The following BBS4 variants were observed in gnomAD, a reference collection of about 807,000 sequenced individuals.
The protein encoded by BBS4 is Bardet-Biedl syndrome 4.
BBS4 carries 58 observed loss-of-function variants against 71.4 expected under a neutral mutation model. The observed-to-expected ratio is 0.81, with a 90% CI of 0.66 to 1.01. The LOEUF (loss-of-function observed/expected upper bound fraction) is 1.01, where lower values mean the gene tolerates loss of function less well. Among genes scored for constraint, BBS4 ranks in the 50% least tolerant of loss-of-function variants. The pLI is 0.00. For synonymous variants in BBS4, 228 were observed against 216.8 expected (o/e 1.05, Z -0.46); for missense variants, 660 against 607.9 (o/e 1.09, Z -0.90).
chr15:72,724,376 G>A (rs1431523872), intron 7 of BBS4, 152 bp from the exon 8 acceptor site: 1 of 1,070,754 alleles, frequency 9.3e-7, no homozygotes, highest in Non-Finnish European at 1.4e-6. Flanking sequence ...GACAGTTTTG[G>A]TATGTTTTGG....
rs2151034397 is a variant in BBS4 at position 72,724,623 on chromosome 15, C to T, written c.555C>T (p.Asp185=). ...TCCACTTGCTGGAGGGAGACTTGGACAAGGCCATTGAAGTCTACAAGAAAG... is the reference window on the plus strand; with the variant it reads ...TCCACTTGCTGGAGGGAGACTTGGATAAGGCCATTGAAGTCTACAAGAAAG... ...GKIHLLEGDL[D]KAIEVYKKAV... Residue 185 remains aspartate (D), a synonymous_variant, in exon 8 of 16, where the codon GAC becomes GAT. Coordinates refer to ENST00000268057, the MANE Select transcript of BBS4 (RefSeq NM_033028.5). 1 of 1,614,072 alleles carries T rather than the reference C, an allele frequency of 6.2e-7. No individual in the cohort carries two copies. Among genetic ancestry groups the T allele is most frequent in the Non-Finnish European group, 8.5e-7 (1 of 1,179,992 alleles).
Position 72,716,769 on chromosome 15 carries a change from C to G in BBS4, c.333-9C>G, listed in dbSNP as rs1198566853. The G allele has an allele frequency of 6.3e-7, 1 of 1,591,542 alleles. No individual in the cohort carries two copies. On this transcript the variant is annotated splice_polypyrimidine_tract_variant and intron_variant, in intron 5 of 15. Transcript: ENST00000268057. ...GAGGTAATAATTATGGAAAATATAT[C>G]TTTTACAGATTTCTTTTGGGAAAAC...
chr15:72,711,453 G>C (rs769550245), intron 3 of BBS4, among the ~76,000 whole-genome samples: 12 of 152,052 alleles, frequency 7.9e-5, no homozygotes, highest in Admixed American at 2.0e-4. Flanking sequence ...CTGGCCACCA[G>C]TATGAATCTT....
chr15:72,727,545 G>T (rs535328577), intron 8 of BBS4, among the ~76,000 whole-genome samples: 1 of 152,106 alleles, frequency 6.6e-6, no homozygotes, highest in African/African-American at 2.4e-5. Flanking sequence ...GGCATTGTGA[G>T]CACAATGAGG....
At chr15:72,735,731 A>G (rs2065908620) in intron 13 of BBS4, 94 bp from the exon 14 acceptor site, 1 of 1,495,130 alleles carries the variant, frequency 6.7e-7, no homozygotes, top group African/African-American at 1.4e-5. Context: ...TCTCTACTTA[A>G]CCAGTTTTGT....
At position 72,735,211 on chromosome 15, in the gene BBS4, C is replaced by T. The variant is rs369790800; in HGVS notation, c.1106+29C>T. 39 of 1,580,014 alleles carry T rather than the reference C, an allele frequency of 2.5e-5. No individual in the cohort carries two copies. The East Asian group carries it at 4.5e-4, about 18-fold the overall frequency. ...TGCACTTTGTTGAGAATGGTACTGG[C>T]GGGGGTTGGACTCTCCAAAGCCATG... On this transcript the variant is annotated intron_variant, in intron 13 of 15. Transcript: ENST00000268057.
intron 2 of BBS4, among the ~76,000 whole-genome samples, chr15:72,707,182 CT>C (rs955024934): frequency 2.8e-5 from 4 of 144,774 alleles, no homozygotes; most frequent in African/African-American, 1.0e-4. Flanking sequence ...TTTTTCTTTT[CT>C]TTTTTTTTTT....
At chr15:72,721,137 T>C (rs562928997) in intron 6 of BBS4, among the ~76,000 whole-genome samples, 25 of 152,344 alleles carry the variant, frequency 1.6e-4, no homozygotes, top group Non-Finnish European at 2.8e-4. Flanking sequence ...CAATGTTCTA[T>C]AATATGGACA....
intron 2 of BBS4, chr15:72,698,013 G>T (rs1446195331): frequency 2.2e-6 from 1 of 455,922 alleles, no homozygotes; most frequent in Non-Finnish European, 4.4e-6. Context: ...CTGGCTTTCA[G>T]TTGAAGATCT....
intron 10 of BBS4, 106 bp downstream of exon 10, chr15:72,729,790 C>A: frequency 1.1e-6 from 1 of 930,440 alleles, no homozygotes; most frequent in Non-Finnish European, 1.7e-6. Flanking sequence ...ATTTGGATAC[C>A]TGAGAAATAG....
chr15:72,704,482 G>C, intron 2 of BBS4: 2 of 1,275,740 alleles, frequency 1.6e-6, no homozygotes, highest in Non-Finnish European at 2.0e-6. Flanking sequence ...ATATTTACAG[G>C]TAAAATTCTA....
intron 14 of BBS4, 91 bp downstream of exon 14, chr15:72,736,057 C>T (rs1228753722): frequency 6.9e-7 from 1 of 1,458,682 alleles, no homozygotes; most frequent in Non-Finnish European, 9.5e-7. Flanking sequence ...CAAGGTATTA[C>T]ACGTTCATGG....
At chr15:72,693,550 C>T (rs12906007) in intron 1 of BBS4, among the ~76,000 whole-genome samples, 27,395 of 152,080 alleles carry the variant, frequency 0.18, 2,833 homozygotes, top group African/African-American at 0.28. Context: ...ACAAAAGCAA[C>T]CATAGACATT....
intron 1 of BBS4, among the ~76,000 whole-genome samples, chr15:72,689,076 C>G (rs993860911): frequency 1.3e-5 from 2 of 151,312 alleles, no homozygotes; most frequent in Admixed American, 6.6e-5. Context: ...GGAGGGACTT[C>G]CATGGTGTAC....
chr15:72,688,064 A>G (rs911646182), intron 1 of BBS4, among the ~76,000 whole-genome samples: 55 of 144,060 alleles, frequency 3.8e-4, no homozygotes, highest in African/African-American at 1.4e-3. Flanking sequence ...AAAAAAAAAA[A>G]AAAAAGAAAA....
At position 72,737,585 on chromosome 15, in the gene BBS4, TAAG is replaced by T; in HGVS notation, c.*1_*3del. On this transcript the variant is annotated stop_retained_variant and 3_prime_UTR_variant, in exon 16 of 16. Transcript: ENST00000268057. The stretch of plus-strand genomic sequence containing the variant: ...AACATCAGAACAAATAAGAGAGAAA[TAAG>T]AATAGAATGAATGACCCCAAAATAG... 6.2e-7 allele frequency: 1 copy of T among 1,601,800 alleles called. No individual in the cohort carries two copies. Among genetic ancestry groups the T allele is most frequent in the Non-Finnish European group, 8.5e-7 (1 of 1,173,290 alleles).
At chr15:72,696,038 C>A (rs1451567887) in intron 2 of BBS4, among the ~76,000 whole-genome samples, 1 of 152,162 alleles carries the variant, frequency 6.6e-6, no homozygotes, top group Non-Finnish European at 1.5e-5. Context: ...TACAGATATT[C>A]ATATTCTTAC....
chr15:72,696,978 G>A (rs2065088491), intron 2 of BBS4, among the ~76,000 whole-genome samples: 1 of 152,166 alleles, frequency 6.6e-6, no homozygotes, highest in South Asian at 2.1e-4. Context: ...TGTCACCCAG[G>A]CTGGAGTGCA....
chr15:72,722,970 C>G (rs1331159461), intron 7 of BBS4, 123 bp downstream of exon 7: 7 of 790,024 alleles, frequency 8.9e-6, no homozygotes, highest in South Asian at 7.3e-5. Flanking sequence ...ATTGAAAGTA[C>G]CTTTATACAT....
Sources: gnomAD v4.1 joint callset for allele counts (sites outside exome capture counted in the v4.1 genomes callset) on GRCh38, gnomAD v4.1.1 for gene constraint, MANE v1.5 for transcripts, NCBI Gene and HGNC (gene_info 2026-07-23, HGNC 2026-07-21) for gene names.